The following CCZ1B variants were observed in gnomAD, a reference collection of about 807,000 sequenced individuals.
CCZ1B encodes the protein CCZ1B vacuolar protein trafficking and biogenesis associated, also known as vacuolar fusion protein CCZ1 homolog B.
Under a neutral mutation model 58.8 loss-of-function variants are expected in CCZ1B, and 25 were observed. That is an observed-to-expected ratio of 0.43 (90% CI 0.31 to 0.59). The LOEUF (loss-of-function observed/expected upper bound fraction) is 0.59. Among genes scored for constraint, CCZ1B ranks in the 20% least tolerant of loss-of-function variants. The probability of loss-of-function intolerance (pLI) is 0.12; values close to 1 mark genes in which losing one functional copy is unlikely to be tolerated. For missense variants in CCZ1B, 180 were observed against 501.5 expected (o/e 0.36, Z 6.12); for synonymous variants, 66 against 173.2 (o/e 0.38, Z 4.86).
At chr7:6,803,708 C>A in intron 12 of CCZ1B, among the ~76,000 whole-genome samples, 1 of 147,428 alleles carries the variant, frequency 6.8e-6, no homozygotes, top group Non-Finnish European at 1.5e-5. Context: ...TCACGCCTGT[C>A]ATCCCAGCAC....
At chr7:6,804,509 G>A (rs1366702415) in intron 12 of CCZ1B, among the ~76,000 whole-genome samples, 10 of 111,864 alleles carry the variant, frequency 8.9e-5, no homozygotes, top group Non-Finnish European at 1.8e-5. Flanking sequence ...CCCACTCAGT[G>A]TAGACACTTC....
At chr7:6,811,730 A>C (rs77830813) in intron 10 of CCZ1B, 94,923 of 534,002 alleles carry the variant, frequency 0.18, 9,042 homozygotes, top group South Asian at 0.24. Flanking sequence ...ATAAATCACA[A>C]TCTTAAACAG....
intron 5 of CCZ1B, among the ~76,000 whole-genome samples, chr7:6,822,751 G>C: frequency 7.6e-6 from 1 of 131,074 alleles, no homozygotes; most frequent in Non-Finnish European, 1.6e-5. Flanking sequence ...GCCCAGGGTA[G>C]AGTGCAGTGG....
chr7:6,813,233 C>T (rs1782945648), intron 8 of CCZ1B, among the ~76,000 whole-genome samples, 196 bp from the exon 9 acceptor site: 1 of 149,456 alleles, frequency 6.7e-6, no homozygotes, highest in South Asian at 2.1e-4. Flanking sequence ...CTCCTAGGCT[C>T]AAGCAACCCT....
chr7:6,820,454 G>A (rs1278190944), intron 6 of CCZ1B, among the ~76,000 whole-genome samples: 1 of 149,076 alleles, frequency 6.7e-6, no homozygotes. Flanking sequence ...TGGGATTAGA[G>A]GTGTGAGCCA....
chr7:6,814,748 A>G lies in CCZ1B; in HGVS notation c.780+16T>C, dbSNP rs1347084365. The G allele has an allele frequency of 1.9e-6, 3 of 1,599,774 alleles. No homozygotes were observed. The highest frequency in any genetic ancestry group is 1.1e-5 in the South Asian group (1 of 90,048). ...CCCCTGCATGTAATTGTGTGCAGCT[A>G]TGGTACCCATCATACCTCAGGTTCG... is the stretch of plus-strand genomic sequence containing the variant. On this transcript the variant is annotated intron_variant, in intron 8 of 14. Transcript: ENST00000316731.
chr7:6,816,049 C>G (rs1782994785), intron 7 of CCZ1B, among the ~76,000 whole-genome samples: 1 of 147,796 alleles, frequency 6.8e-6, no homozygotes, highest in Admixed American at 6.8e-5. Context: ...ACCATCTGAT[C>G]TGAAATGAGG....
chr7:6,823,437 C>A, intron 4 of CCZ1B, 77 bp from the exon 5 acceptor site: 1 of 1,585,012 alleles, frequency 6.3e-7, no homozygotes, highest in Non-Finnish European at 8.6e-7. Context: ...CAAAGGTACA[C>A]TGACTCTTGG....
intron 7 of CCZ1B, among the ~76,000 whole-genome samples, chr7:6,816,528 G>A (rs533240387): frequency 9.2e-4 from 138 of 150,628 alleles, no homozygotes; most frequent in Non-Finnish European, 1.7e-3. Flanking sequence ...ATACATAAGG[G>A]TAATATATAC....
At position 6,812,021 on chromosome 7, in the gene CCZ1B, T is replaced by C. The variant is rs780500773; in HGVS notation, c.885A>G (p.Lys295=). ...TTACAAAAATTTTGGGGAATCTGCATTTTGCATCTGGATCATTGAGGTTCA... is the reference window on the plus strand; with the variant it reads ...TTACAAAAATTTTGGGGAATCTGCACTTTGCATCTGGATCATTGAGGTTCA... ...GPLNLNDPDA[K]CRFPKIFVNT... The change falls in exon 10 of 15, where the codon AAA becomes AAG. Residue 295 remains lysine (K), a synonymous_variant. Coordinates refer to ENST00000316731, the MANE Select transcript of CCZ1B (RefSeq NM_198097.5). 1.9e-6 allele frequency: 3 copies of C among 1,572,874 alleles called. No individual in the cohort carries two copies. The Admixed American group carries it at 5.1e-5, about 27-fold the overall frequency.
At chr7:6,819,050 T>C (rs1369403389) in intron 7 of CCZ1B, among the ~76,000 whole-genome samples, 3 of 133,348 alleles carry the variant, frequency 2.2e-5, no homozygotes, top group Non-Finnish European at 4.6e-5. Context: ...TTTGGGAGGC[T>C]GAGGCGGGTG....
chr7:6,818,028 G>T (rs1278431184), intron 7 of CCZ1B, among the ~76,000 whole-genome samples: 1 of 148,970 alleles, frequency 6.7e-6, no homozygotes, highest in Non-Finnish European at 1.5e-5. Context: ...AAGTAGATGG[G>T]TTTCACCTGA....
intron 6 of CCZ1B, 27 bp downstream of exon 6, chr7:6,822,254 G>A (rs1783123937): frequency 1.3e-6 from 2 of 1,559,986 alleles, no homozygotes; most frequent in South Asian, 1.2e-5. Flanking sequence ...GCTTAGTAAA[G>A]TTATAAATGA....
chr7:6,803,691 C>T (rs1293098184), intron 12 of CCZ1B, among the ~76,000 whole-genome samples: 3 of 146,432 alleles, frequency 2.0e-5, no homozygotes, highest in African/African-American at 5.0e-5. Flanking sequence ...GGGCCGGGCG[C>T]GGTGGCTCAC....
intron 14 of CCZ1B, among the ~76,000 whole-genome samples, 185 bp downstream of exon 14, chr7:6,800,763 G>T: frequency 7.5e-6 from 1 of 132,484 alleles, no homozygotes; most frequent in African/African-American, 3.0e-5. Flanking sequence ...CAAGTTTCCT[G>T]TGCTACAGGA....
At chr7:6,800,783 CAT>C (rs1228702351) in intron 14 of CCZ1B, among the ~76,000 whole-genome samples, 163 bp downstream of exon 14, 1 of 131,490 alleles carries the variant, frequency 7.6e-6, no homozygotes, top group African/African-American at 3.0e-5. Flanking sequence ...AAGGTCTTGT[CAT>C]AGTTTTCCAA....
At chr7:6,824,591 G>C (rs938432582) in intron 2 of CCZ1B, 43 bp from the exon 3 acceptor site, 2 of 1,612,192 alleles carry the variant, frequency 1.2e-6, no homozygotes, top group African/African-American at 2.7e-5. Flanking sequence ...TTCTCCAGCA[G>C]CAGTTTTAAG....
At chr7:6,820,279 C>T (rs559089670) in intron 6 of CCZ1B, among the ~76,000 whole-genome samples, 1 of 149,550 alleles carries the variant, frequency 6.7e-6, no homozygotes, top group South Asian at 2.1e-4. Context: ...TCCAGGTTCA[C>T]ACCATTCTCC....
intron 12 of CCZ1B, among the ~76,000 whole-genome samples, chr7:6,803,839 C>T (rs1237749151): frequency 6.6e-6 from 1 of 151,142 alleles, no homozygotes; most frequent in Non-Finnish European, 1.5e-5. Context: ...CACCCAGCTA[C>T]TCAGGAGGCT....
Sources: gnomAD v4.1 joint callset for allele counts (sites outside exome capture counted in the v4.1 genomes callset) on GRCh38, gnomAD v4.1.1 for gene constraint, MANE v1.5 for transcripts, NCBI Gene and HGNC (gene_info 2026-07-23, HGNC 2026-07-21) for gene names.